The following ADAM9 variants were observed in gnomAD, a reference collection of about 807,000 sequenced individuals.
ADAM9 encodes the protein disintegrin and metalloproteinase domain-containing protein 9.
In ADAM9, 54 loss-of-function variants were observed where a neutral mutation model predicts 108.1. That is an observed-to-expected ratio of 0.50 (90% CI 0.40 to 0.63). The LOEUF (loss-of-function observed/expected upper bound fraction) is 0.63. ADAM9 is among the 20% of genes least tolerant of loss of function. ADAM9 has a pLI of 0.00. For synonymous variants in ADAM9, 316 were observed against 336.0 expected, an observed-to-expected ratio of 0.94 and a Z score of 0.65; for missense variants, 830 against 997.7, an observed-to-expected ratio of 0.83 and a Z score of 2.26.
intron 12 of ADAM9, among the ~76,000 whole-genome samples, chr8:39,049,299 A>T (rs1837875151): frequency 6.6e-6 from 1 of 152,030 alleles, no homozygotes; most frequent in Non-Finnish European, 1.5e-5. Context: ...TTGTAGTAAT[A>T]ACAGTATTTT....
Position 39,027,230 on chromosome 8 carries a change from A to G in ADAM9, c.1130+420A>G, listed in dbSNP as rs567257483. On this transcript the variant is annotated intron_variant, in intron 11 of 21. Coordinates refer to ENST00000487273, the MANE Select transcript of ADAM9 (RefSeq NM_003816.3). ...GGATTGGATTACACTGAAGGACTGC[A>G]TAAGAAGTTTCTTCACAAACCTCTT... Among the ~76,000 whole-genome samples the G allele has an allele frequency of 3.9e-4, 59 of 152,358 alleles. No homozygotes were observed. In the South Asian group the frequency reaches 0.012, roughly 30 times the overall value.
chr8:39,050,452 C>CT (rs34010269), intron 12 of ADAM9, among the ~76,000 whole-genome samples: 72,293 of 144,250 alleles, frequency 0.5, 18,213 homozygotes, highest in East Asian at 0.75. Flanking sequence ...ACTTATATTT[C>CT]TTTTTTTTTT....
intron 2 of ADAM9, among the ~76,000 whole-genome samples, chr8:39,010,960 G>T (rs1836336380): frequency 6.6e-6 from 1 of 152,066 alleles, no homozygotes; most frequent in Admixed American, 6.5e-5. Context: ...GGGTGTGTTG[G>T]TGGACGCCTG....
intron 14 of ADAM9, among the ~76,000 whole-genome samples, chr8:39,060,199 C>T (rs953681876): frequency 3.3e-5 from 5 of 152,326 alleles, no homozygotes; most frequent in African/African-American, 1.2e-4. Flanking sequence ...CGCAGAGGAT[C>T]ACAAGGCTTT....
intron 14 of ADAM9, among the ~76,000 whole-genome samples, chr8:39,056,531 T>G (rs1838128951): frequency 6.6e-6 from 1 of 152,192 alleles, no homozygotes; most frequent in Non-Finnish European, 1.5e-5. Flanking sequence ...TGATTTTCCA[T>G]TCTTCATCCT....
intron 3 of ADAM9, 138 bp downstream of exon 3, chr8:39,011,854 A>G (rs1468885665): frequency 1.3e-6 from 1 of 793,546 alleles, no homozygotes; most frequent in Non-Finnish European, 2.1e-6. Flanking sequence ...GGTGCTGCAC[A>G]GTGGCAGCTG....
At chr8:39,015,129 A>G (rs1039988923) in intron 4 of ADAM9, 5 of 152,390 alleles carry the variant, frequency 3.3e-5, no homozygotes, top group African/African-American at 1.2e-4. Context: ...TACTTTCTTC[A>G]GACATACACT....
At chr8:39,092,712 A>G (rs540290404) in intron 20 of ADAM9, among the ~76,000 whole-genome samples, 3 of 151,622 alleles carry the variant, frequency 2.0e-5, no homozygotes, top group African/African-American at 4.8e-5. Context: ...ATATTTACCT[A>G]TGTTTTCTTT....
intron 14 of ADAM9, among the ~76,000 whole-genome samples, chr8:39,057,299 A>G (rs1336393510): frequency 6.6e-6 from 1 of 150,790 alleles, no homozygotes; most frequent in African/African-American, 2.4e-5. Flanking sequence ...ATATTACTGT[A>G]TATATAATCT....
intron 12 of ADAM9, among the ~76,000 whole-genome samples, chr8:39,045,537 T>C (rs1042677184): frequency 2.3e-5 from 3 of 130,370 alleles, no homozygotes; most frequent in African/African-American, 8.7e-5. Context: ...TGCATATGTG[T>C]GTATATATGT....
chr8:39,089,269 T>A (rs1293408666), intron 18 of ADAM9, among the ~76,000 whole-genome samples: 1 of 151,828 alleles, frequency 6.6e-6, no homozygotes, highest in Non-Finnish European at 1.5e-5. Flanking sequence ...GAAAAAAAAA[T>A]TATCAACTCA....
chr8:39,005,769 ATGATAGGAC>A (rs796807805), intron 1 of ADAM9, among the ~76,000 whole-genome samples: 10 of 152,212 alleles, frequency 6.6e-5, no homozygotes, highest in African/African-American at 2.2e-4. Context: ...AAAACAAATC[ATGATAGGAC>A]TGATAGGATA....
At chr8:39,010,169 G>A (rs1425785851) in intron 2 of ADAM9, among the ~76,000 whole-genome samples, 1 of 151,990 alleles carries the variant, frequency 6.6e-6, no homozygotes, top group Non-Finnish European at 1.5e-5. Flanking sequence ...AACAATCCAG[G>A]CAGATACTTG....
chr8:39,002,312 CTTTT>C (rs35517175), intron 1 of ADAM9, among the ~76,000 whole-genome samples: 1 of 71,482 alleles, frequency 1.4e-5, no homozygotes, highest in Non-Finnish European at 2.5e-5. Context: ...AGGTAGAATT[CTTTT>C]TTTTTTTTTT....
intron 14 of ADAM9, among the ~76,000 whole-genome samples, chr8:39,059,171 G>A (rs1360924653): frequency 1.3e-5 from 2 of 152,206 alleles, no homozygotes; most frequent in Non-Finnish European, 2.9e-5. Flanking sequence ...TGATGGTGGG[G>A]GAGGAATTCT....
rs1477775902 is a variant in ADAM9, at chr8:38,996,975, A to G, written c.-89A>G. On this transcript the variant is annotated 5_prime_UTR_variant, in exon 1 of 22. Transcript: ENST00000487273. ...TCGGGCGCGCGCGCTTCCCGGCCAG[A>G]CTTGGGGCCCCGGCAGGGTTGGAAA... The G allele has an allele frequency of 3.9e-6, 6 of 1,522,434 alleles. No individual in the cohort carries two copies. The highest frequency in any genetic ancestry group is 3.4e-4 in the Middle Eastern group (2 of 5,906). 94.3% of individuals were successfully genotyped at this position (1,522,434 alleles called of 1,614,324 possible).
rs139284078 is a variant in ADAM9, at chr8:39,077,258, G to A, written c.1728G>A (p.Glu576=). ...GNALCGKLQC[E]NVQEIPVFGI... Reference sequence around the variant, plus strand: ...CTTTGTGTGGAAAGCTTCAGTGTGAGAATGTACAAGAGATACCTGTATTTG... The same window carrying A: ...CTTTGTGTGGAAAGCTTCAGTGTGAAAATGTACAAGAGATACCTGTATTTG... Residue 576 remains glutamate, a synonymous_variant, in exon 16 of 22, where the codon GAG becomes GAA. Coordinates refer to ENST00000487273, the MANE Select transcript of ADAM9 (RefSeq NM_003816.3). 976 of 1,614,078 alleles carry A rather than the reference G, an allele frequency of 6.0e-4. 9 individuals are homozygous for A. In the East Asian group the frequency reaches 0.017, roughly 29 times the overall value.
At chr8:39,064,674 C>T (rs531395358) in intron 14 of ADAM9, among the ~76,000 whole-genome samples, 2 of 152,294 alleles carry the variant, frequency 1.3e-5, no homozygotes, top group Admixed American at 1.3e-4. Context: ...TTTGCATTTC[C>T]CATATTACCT....
At chr8:39,062,034 C>T (rs1297530066) in intron 14 of ADAM9, among the ~76,000 whole-genome samples, 4 of 152,078 alleles carry the variant, frequency 2.6e-5, no homozygotes, top group Non-Finnish European at 4.4e-5. Flanking sequence ...CTTATAAGAT[C>T]GCCAATCCCA....
Sources: gnomAD v4.1 joint callset for allele counts (sites outside exome capture counted in the v4.1 genomes callset) on GRCh38, gnomAD v4.1.1 for gene constraint, MANE v1.5 for transcripts, NCBI Gene and HGNC (gene_info 2026-07-23, HGNC 2026-07-21) for gene names.